EYS: variants seen among roughly 807,000 people sequenced by gnomAD.
EYS encodes protein eyes shut homolog.
In EYS, 250 loss-of-function variants were observed where a neutral mutation model predicts 282.1. The ratio of observed to expected loss-of-function variants is 0.89; its 90% CI spans 0.80 to 0.98. EYS has a LOEUF of 0.98. Among genes scored for constraint, EYS ranks in the 50% least tolerant of loss-of-function variants. The pLI is 0.00. For missense variants in EYS, 4,016 were observed against 3,709.0 expected (o/e 1.08, Z -2.15); for synonymous variants, 1,355 against 1,282.9 (o/e 1.06, Z -1.20).
intron 35 of EYS, among the ~76,000 whole-genome samples, chr6:63,961,101 A>G (rs1259347779): frequency 6.6e-6 from 1 of 152,176 alleles, no homozygotes; most frequent in Admixed American, 6.5e-5. Flanking sequence ...AAACAAAAGA[A>G]ATTTATTGGT....
At chr6:65,524,725 T>C (rs762042415) in intron 2 of EYS, among the ~76,000 whole-genome samples, 9 of 152,222 alleles carry the variant, frequency 5.9e-5, no homozygotes, top group Non-Finnish European at 1.3e-4. Flanking sequence ...ACCATGATGA[T>C]AGAAATGTAT....
chr6:65,420,869 G>T (rs1363636879), intron 5 of EYS, among the ~76,000 whole-genome samples: 1 of 151,718 alleles, frequency 6.6e-6, no homozygotes, highest in African/African-American at 2.4e-5. Context: ...TATCTTGAAA[G>T]GAATATTTTT....
chr6:65,501,881 C>A (rs1766466762), intron 2 of EYS, among the ~76,000 whole-genome samples: 1 of 151,318 alleles, frequency 6.6e-6, no homozygotes, highest in Non-Finnish European at 1.5e-5. Flanking sequence ...ATGGATGAGA[C>A]CATAGCATCA....
At chr6:65,101,376 T>C (rs2150183426) in intron 12 of EYS, among the ~76,000 whole-genome samples, 1 of 151,444 alleles carries the variant, frequency 6.6e-6, no homozygotes, top group Middle Eastern at 3.4e-3. Context: ...CAAATTAACT[T>C]TTAGAAAAAG....
At chr6:63,828,275 TAAATG>T (rs1405146474) in intron 36 of EYS, among the ~76,000 whole-genome samples, 2 of 151,920 alleles carry the variant, frequency 1.3e-5, no homozygotes, top group Admixed American at 6.6e-5. Flanking sequence ...ATACAAAAGA[TAAATG>T]AAATGAAAAG....
intron 12 of EYS, among the ~76,000 whole-genome samples, chr6:65,184,666 C>T (rs1765473893): frequency 6.6e-6 from 1 of 151,434 alleles, no homozygotes; most frequent in South Asian, 2.1e-4. Context: ...TTAATAATAA[C>T]ATATTTTTAA....
At position 64,344,311 on chromosome 6, in the gene EYS, A is replaced by C. The variant is rs9362725; in HGVS notation, c.6079-37229T>G. On this transcript the variant is annotated intron_variant, in intron 29 of 42. Transcript: ENST00000503581. ...AACATTGATGCAAAAATCCTCAATA[A>C]AATACTGGCAAACCGAATCCAGCAG... Among the ~76,000 whole-genome samples the C allele has an allele frequency of 8.0e-4, 122 of 152,106 alleles. 3 individuals carry two copies. The East Asian group carries it at 0.022, about 28-fold the overall frequency.
chr6:64,917,854 C>A (rs911327521), intron 15 of EYS, among the ~76,000 whole-genome samples: 2 of 152,172 alleles, frequency 1.3e-5, no homozygotes, highest in South Asian at 4.1e-4. Context: ...TTATTTCCTG[C>A]AATCATTACA....
intron 31 of EYS, among the ~76,000 whole-genome samples, chr6:64,168,117 C>T (rs1764352227): frequency 6.6e-6 from 1 of 152,066 alleles, no homozygotes; most frequent in Non-Finnish European, 1.5e-5. Context: ...AAAAGATTAG[C>T]CGAGCGTGGT....
At chr6:64,883,482 A>C (rs2150061326) in intron 19 of EYS, among the ~76,000 whole-genome samples, 1 of 150,432 alleles carries the variant, frequency 6.6e-6, no homozygotes, top group Admixed American at 6.7e-5. Context: ...AAATGTAGAC[A>C]TGACTACATG....
chr6:65,276,406 C>G (rs1474342466), intron 12 of EYS, among the ~76,000 whole-genome samples: 1 of 150,872 alleles, frequency 6.6e-6, no homozygotes, highest in African/African-American at 2.4e-5. Flanking sequence ...TGCTTCCACC[C>G]AGAAAAGAAA....
At chr6:64,371,502 G>A (rs1036244460) in intron 29 of EYS, among the ~76,000 whole-genome samples, 2 of 152,044 alleles carry the variant, frequency 1.3e-5, no homozygotes, top group African/African-American at 4.8e-5. Flanking sequence ...GTATTGGGAG[G>A]AGAGTTCTAT....
intron 29 of EYS, among the ~76,000 whole-genome samples, chr6:64,340,160 A>G (rs1771045107): frequency 6.6e-6 from 1 of 151,568 alleles, no homozygotes; most frequent in Non-Finnish European, 1.5e-5. Context: ...CTATCCTCTG[A>G]AAGTTTAGAA....
intron 1 of EYS, among the ~76,000 whole-genome samples, chr6:65,671,904 A>G (rs923707167): frequency 6.6e-6 from 1 of 152,136 alleles, no homozygotes; most frequent in African/African-American, 2.4e-5. Context: ...CCCTATTTGA[A>G]TCTAAGTGCT....
intron 35 of EYS, among the ~76,000 whole-genome samples, chr6:63,922,802 T>A (rs1418679101): frequency 2.0e-5 from 3 of 152,202 alleles, no homozygotes. Context: ...TTTCTATTAA[T>A]CTAACATGAT....
chr6:64,771,773 A>G (rs1773529834), intron 22 of EYS, among the ~76,000 whole-genome samples: 1 of 151,744 alleles, frequency 6.6e-6, no homozygotes, highest in Non-Finnish European at 1.5e-5. Flanking sequence ...GCTTTCATAC[A>G]TGTTCATTTT....
At chr6:64,034,982 T>A (rs1770040472) in intron 33 of EYS, among the ~76,000 whole-genome samples, 1 of 152,180 alleles carries the variant, frequency 6.6e-6, no homozygotes, top group African/African-American at 2.4e-5. Context: ...GGATATTATG[T>A]TTATAAACAG....
chr6:65,064,488 A>G (rs1000564717), intron 12 of EYS, among the ~76,000 whole-genome samples: 6 of 146,762 alleles, frequency 4.1e-5, no homozygotes, highest in Non-Finnish European at 7.5e-5. Context: ...TATATAGTAT[A>G]TATAATATAT....
chr6:64,056,425 C>A (rs1007436319), intron 33 of EYS, among the ~76,000 whole-genome samples: 6 of 152,268 alleles, frequency 3.9e-5, no homozygotes, highest in Admixed American at 3.9e-4. Context: ...CAAGACTTTA[C>A]TTTTTCCTAT....
Sources: allele counts gnomAD v4.1 joint callset (sites outside exome capture counted in the v4.1 genomes callset), GRCh38; gene constraint gnomAD v4.1.1; transcripts MANE v1.5; gene names NCBI Gene and HGNC (gene_info 2026-07-23, HGNC 2026-07-21).